Variants in TBX18 observed in about 807,000 individuals in gnomAD.
The protein encoded by TBX18 is T-box transcription factor TBX18.
A neutral mutation model predicts 55.0 loss-of-function variants in TBX18; 21 were observed. The observed-to-expected ratio is 0.38, with a 90% CI of 0.27 to 0.55. The LOEUF is 0.55. Among genes scored for constraint, TBX18 ranks in the 20% least tolerant of loss-of-function variants. The pLI is 0.73. For synonymous variants in TBX18, 342 were observed against 326.1 expected (o/e 1.05, Z -0.53); for missense variants, 840 against 799.6 (o/e 1.05, Z -0.61).
chr6:84,746,898 T>A (rs1035486136), intron 5 of TBX18, among the ~76,000 whole-genome samples: 2 of 151,362 alleles, frequency 1.3e-5, no homozygotes, highest in African/African-American at 4.8e-5. Context: ...TATGGATCTT[T>A]TAAAAATTAC....
intron 6 of TBX18, chr6:84,741,316 C>G (rs915986012): frequency 6.6e-6 from 1 of 152,180 alleles, no homozygotes; most frequent in Non-Finnish European, 1.5e-5. Flanking sequence ...CTAATTTATG[C>G]TATCAAATGG....
chr6:84,737,862 C>T (rs1468097410), intron 7 of TBX18, among the ~76,000 whole-genome samples: 1 of 152,142 alleles, frequency 6.6e-6, no homozygotes. Context: ...CCCAATCCAA[C>T]CAATAATAAT....
chr6:84,742,702 G>A (rs1242504729), intron 6 of TBX18, among the ~76,000 whole-genome samples: 2 of 151,960 alleles, frequency 1.3e-5, no homozygotes, highest in African/African-American at 4.8e-5. Flanking sequence ...TATTCTTCAA[G>A]CCTGAGTATT....
At chr6:84,738,407 A>T in intron 7 of TBX18, 90 bp downstream of exon 7, 1 of 959,040 alleles carries the variant, frequency 1.0e-6, no homozygotes, top group Non-Finnish European at 1.7e-6. Flanking sequence ...TCATTATTGT[A>T]AGTATAAATA....
Position 84,762,707 on chromosome 6 carries a change from C to T in TBX18, c.334G>A (p.Ala112Thr). The change falls in exon 2 of 8, where the codon GCG (alanine) becomes ACG (threonine). Residue 112 changes from alanine to threonine, a missense_variant. By Grantham distance (58) the Ala-to-Thr change is moderately conservative. Transcript: ENST00000369663. ...DGFQQGASPL[A>T]SPGGSPKGSP... is the part of the protein sequence containing the mutation. The stretch of plus-strand genomic sequence containing the variant: ...CCCTTGGGGGAGCCTCCCGGTGACG[C>T]CAGAGGGGAAGCTCCCTGCTGGAAG... 4 of 1,610,776 alleles carry T rather than the reference C, an allele frequency of 2.5e-6. No homozygotes were observed. The highest frequency in any genetic ancestry group is 3.4e-6 in the Non-Finnish European group (4 of 1,179,102).
chr6:84,737,236 G>A lies in TBX18; in HGVS notation c.1273C>T (p.Leu425Phe). The change falls in exon 8 of 8, where the codon CTC (leucine) becomes TTC (phenylalanine). Residue 425 changes from leucine to phenylalanine, a missense_variant. Physicochemically the swap from Leu to Phe is conservative, Grantham distance 22. Coordinates refer to ENST00000369663, the MANE Select transcript of TBX18 (RefSeq NM_001080508.3). ...ADYSACARSG[L>F]TLNRYSTSLA... ...GATGTGCTGTATCGGTTGAGGGTGA[G>A]GCCTGAGCGGGCACAGGCAGAATAG... 6.2e-7 allele frequency: 1 copy of A among 1,609,026 alleles called. No homozygotes were observed. Among genetic ancestry groups the A allele is most frequent in the South Asian group, 1.1e-5 (1 of 90,106 alleles).
At chr6:84,741,175 C>A (rs1176877631) in intron 6 of TBX18, 2 of 152,148 alleles carry the variant, frequency 1.3e-5, no homozygotes, top group African/African-American at 4.8e-5. Context: ...AAAAAGCCTT[C>A]ATTTTCTCCA....
At chr6:84,757,068 G>A (rs1324588684) in intron 3 of TBX18, among the ~76,000 whole-genome samples, 199 bp from the exon 4 acceptor site, 1 of 152,086 alleles carries the variant, frequency 6.6e-6, no homozygotes, top group Non-Finnish European at 1.5e-5. Context: ...CAGACTAAGG[G>A]GCGTGTTAAC....
chr6:84,741,361 T>G (rs969772), intron 6 of TBX18: 1 of 152,104 alleles, frequency 6.6e-6, no homozygotes, highest in Non-Finnish European at 1.5e-5. Flanking sequence ...ATGTTTTTCC[T>G]GAAGTATTTA....
Position 84,737,160 on chromosome 6 carries a change from G to T in TBX18, c.1349C>A (p.Ala450Asp), listed in dbSNP as rs753798713. 29 of 1,613,888 alleles carry T rather than the reference G, an allele frequency of 1.8e-5. No individual in the cohort carries two copies. Among genetic ancestry groups the T allele is most frequent in the Non-Finnish European group, 2.4e-5 (28 of 1,179,914 alleles). Residue 450 changes from alanine (A) to aspartate (D), a missense_variant, in exon 8 of 8, where the codon GCC becomes GAC. By Grantham distance (126) the Ala-to-Asp change is moderately radical (BLOSUM62 -2). Coordinates refer to ENST00000369663, the MANE Select transcript of TBX18 (RefSeq NM_001080508.3). The stretch of plus-strand genomic sequence containing the variant: ...CACATAGGAGGGAGTCCTGGGCGGG[G>T]CAAAGGTCTCACCAGCCTGGTTGGT... Reference protein sequence around the residue: ...RLTNQAGETFAPPRTPSYVGV... With the variant: ...RLTNQAGETFDPPRTPSYVGV...
intron 4 of TBX18, among the ~76,000 whole-genome samples, chr6:84,752,370 A>T (rs1340583622): frequency 2.0e-5 from 3 of 152,196 alleles, no homozygotes; most frequent in Admixed American, 2.0e-4. Context: ...AAGGACCAAC[A>T]AGAAACAGAT....
At chr6:84,763,573 A>G in intron 1 of TBX18, 2 of 612,212 alleles carry the variant, frequency 3.3e-6, no homozygotes, top group Admixed American at 4.4e-5. Context: ...AAAAAAGAGC[A>G]CCCATTGGCT....
intron 4 of TBX18, among the ~76,000 whole-genome samples, chr6:84,749,582 A>G (rs1767287031): frequency 6.6e-6 from 1 of 151,944 alleles, no homozygotes; most frequent in Non-Finnish European, 1.5e-5. Context: ...TAGGAGAGGA[A>G]GCATGAGTGT....
At chr6:84,758,394 C>T (rs193095132) in intron 3 of TBX18, among the ~76,000 whole-genome samples, 228 of 137,004 alleles carry the variant, frequency 1.7e-3, no homozygotes, top group African/African-American at 6.1e-3. Flanking sequence ...GGCAACAGAG[C>T]AAGACTCCAT....
At position 84,760,277 on chromosome 6, in the gene TBX18, G is replaced by C. The variant is rs1457358474; in HGVS notation, c.577C>G (p.Pro193Ala). 1 of 1,601,614 alleles carries C rather than the reference G, an allele frequency of 6.2e-7. No homozygotes were observed. Among genetic ancestry groups the C allele is most frequent in the Non-Finnish European group, 8.5e-7 (1 of 1,172,952 alleles). The change falls in exon 3 of 8, where the codon CCA becomes GCA. Residue 193 changes from proline to alanine, a missense_variant. By Grantham distance (27) the Pro-to-Ala change is conservative. Coordinates refer to ENST00000369663, the MANE Select transcript of TBX18 (RefSeq NM_001080508.3). ...QQYYIAMDIV[P>A]VDNKRYRYVY... ...TACCTGTATCTTTTGTTGTCCACTG[G>C]TACAATATCCATGGCAATGTAATAT...
Position 84,750,301 on chromosome 6 carries a change from AG to A in TBX18, c.772-2215del, listed in dbSNP as rs796161507. Among the ~76,000 whole-genome samples the A allele has an allele frequency of 2.0e-5, 3 of 151,330 alleles. No homozygotes were observed. The South Asian group carries it at 6.3e-4, about 32-fold the overall frequency. On this transcript the variant is annotated intron_variant, in intron 4 of 7. Coordinates refer to ENST00000369663, the MANE Select transcript of TBX18 (RefSeq NM_001080508.3). ...TCTATCTCAAAAAAAAAAAAAAAAA[AG>A]GCATAATCTAAATCTAAGTTTATGT...
intron 2 of TBX18, among the ~76,000 whole-genome samples, 157 bp from the exon 3 acceptor site, chr6:84,760,513 G>C (rs939638378): frequency 6.6e-6 from 1 of 152,152 alleles, no homozygotes; most frequent in African/African-American, 2.4e-5. Flanking sequence ...TCAGGACATA[G>C]AACATATCAG....
rs1036024963 is a variant in TBX18, at chr6:84,754,803, C to T, written c.771+1895G>A. Among the ~76,000 whole-genome samples, 59 of 152,118 alleles carry T rather than the reference C, an allele frequency of 3.9e-4. 1 individual carries two copies. The highest frequency in any genetic ancestry group is 5.9e-4 in the Non-Finnish European group (40 of 68,014). On this transcript the variant is annotated intron_variant, in intron 4 of 7. Coordinates refer to ENST00000369663, the MANE Select transcript of TBX18 (RefSeq NM_001080508.3). Reference sequence around the variant, plus strand: ...GACTACCCTTCATAATGTGGGTAGGCTTCATCCAATCAGTTGAAGACTGTA... The same window carrying T: ...GACTACCCTTCATAATGTGGGTAGGTTTCATCCAATCAGTTGAAGACTGTA...
Position 84,764,560 on chromosome 6 carries a change from T to C in TBX18, c.-379A>G, listed in dbSNP as rs931202970. On this transcript the variant is annotated 5_prime_UTR_variant, in exon 1 of 8. Coordinates refer to ENST00000369663, the MANE Select transcript of TBX18 (RefSeq NM_001080508.3). Reference sequence around the variant, plus strand: ...AATTAGGGATTGTAATTGAAATTTGTTGCCTTGATCTGTCAGCACTTCCAG... The same window carrying C: ...AATTAGGGATTGTAATTGAAATTTGCTGCCTTGATCTGTCAGCACTTCCAG... 7.5e-5 allele frequency: 14 copies of C among 186,928 alleles called. No homozygotes were observed. Among genetic ancestry groups the C allele is most frequent in the Non-Finnish European group, 1.4e-4 (13 of 91,592 alleles). 11.6% of individuals were successfully genotyped at this position (186,928 alleles called of 1,614,324 possible). A position where few individuals can be genotyped will look rare whatever the true frequency, so the allele number is the denominator to read the frequency against.
Sources: allele counts gnomAD v4.1 joint callset (sites outside exome capture counted in the v4.1 genomes callset), GRCh38; gene constraint gnomAD v4.1.1; transcripts MANE v1.5; gene names NCBI Gene and HGNC (gene_info 2026-07-23, HGNC 2026-07-21).